PTPRD: variants seen among roughly 807,000 people sequenced by gnomAD.
PTPRD encodes the protein protein tyrosine phosphatase receptor type D, also known as receptor-type tyrosine-protein phosphatase delta.
A neutral mutation model predicts 214.5 loss-of-function variants in PTPRD; 34 were observed. The ratio of observed to expected loss-of-function variants is 0.16; its 90% CI spans 0.12 to 0.21. The LOEUF is 0.21. PTPRD is among the 10% of genes least tolerant of loss of function. The pLI, the probability that PTPRD is intolerant of heterozygous loss-of-function variation, is 1.00. For missense variants in PTPRD, 2,545 were observed against 2,398.7 expected, an observed-to-expected ratio of 1.06 and a Z score of -1.27; for synonymous variants, 1,128 against 845.7, an observed-to-expected ratio of 1.33 and a Z score of -5.79.
chr9:9,751,532 G>A (rs1203602616), intron 6 of PTPRD, among the ~76,000 whole-genome samples: 1 of 152,180 alleles, frequency 6.6e-6, no homozygotes, highest in African/African-American at 2.4e-5. Flanking sequence ...GACTTTCTTT[G>A]GAAAGAGAAA....
At chr9:8,851,727 T>C (rs76688233) in intron 11 of PTPRD, among the ~76,000 whole-genome samples, 1,564 of 152,286 alleles carry the variant, frequency 0.01, 28 homozygotes, top group African/African-American at 0.036. Context: ...GGATATTCAT[T>C]ACATGTATGG....
At chr9:8,422,763 C>T (rs1037150899) in intron 35 of PTPRD, among the ~76,000 whole-genome samples, 1 of 152,182 alleles carries the variant, frequency 6.6e-6, no homozygotes, top group Admixed American at 6.5e-5. Context: ...TGCCCAGTTG[C>T]ACGGCAACAT....
intron 3 of PTPRD, among the ~76,000 whole-genome samples, chr9:10,101,828 C>T (rs937211289): frequency 6.6e-6 from 1 of 151,694 alleles, no homozygotes; most frequent in Non-Finnish European, 1.5e-5. Flanking sequence ...CCACACATTA[C>T]ATTTGTAAAC....
intron 4 of PTPRD, among the ~76,000 whole-genome samples, chr9:10,019,841 C>A (rs2096809601): frequency 6.6e-6 from 1 of 152,046 alleles, no homozygotes. Flanking sequence ...TGACGAGTTA[C>A]TGGGTGCAGC....
At chr9:10,446,071 C>T (rs78621896) in intron 2 of PTPRD, among the ~76,000 whole-genome samples, 2,151 of 151,942 alleles carry the variant, frequency 0.014, 40 homozygotes, top group African/African-American at 0.046. Flanking sequence ...CGGGGAAGTA[C>T]CCAAATTCAA....
At chr9:10,519,307 T>A (rs1325441481) in intron 2 of PTPRD, among the ~76,000 whole-genome samples, 1 of 141,124 alleles carries the variant, frequency 7.1e-6, no homozygotes, top group Non-Finnish European at 1.5e-5. Context: ...TTTAATGACC[T>A]GCGAATTCTC....
At chr9:8,598,868 C>T (rs1005558376) in intron 14 of PTPRD, among the ~76,000 whole-genome samples, 20 of 152,124 alleles carry the variant, frequency 1.3e-4, no homozygotes, top group African/African-American at 3.1e-4. Context: ...CATTTCAAGA[C>T]GTAGAAGCAA....
At chr9:10,557,684 C>A (rs1031303088) in intron 2 of PTPRD, among the ~76,000 whole-genome samples, 1 of 152,034 alleles carries the variant, frequency 6.6e-6, no homozygotes, top group African/African-American at 2.4e-5. Context: ...TAAATGTTTA[C>A]CCCTGGACCA....
intron 7 of PTPRD, among the ~76,000 whole-genome samples, chr9:9,602,688 A>G (rs1241896594): frequency 6.6e-6 from 1 of 151,958 alleles, no homozygotes; most frequent in East Asian, 1.9e-4. Context: ...ATGGAGTCAT[A>G]TTTCACATGT....
chr9:9,433,806 A>G (rs1303924991), intron 8 of PTPRD, among the ~76,000 whole-genome samples: 2 of 152,200 alleles, frequency 1.3e-5, no homozygotes, highest in Non-Finnish European at 2.9e-5. Context: ...CACAGCATTA[A>G]GTCACCAAAT....
At chr9:10,278,053 G>A (rs775512399) in intron 3 of PTPRD, among the ~76,000 whole-genome samples, 1 of 152,004 alleles carries the variant, frequency 6.6e-6, no homozygotes, top group African/African-American at 2.4e-5. Flanking sequence ...CCAGCTACTC[G>A]GGAGGCTGAG....
At chr9:9,503,015 T>C (rs1015287884) in intron 8 of PTPRD, among the ~76,000 whole-genome samples, 5 of 151,842 alleles carry the variant, frequency 3.3e-5, no homozygotes, top group African/African-American at 9.7e-5. Flanking sequence ...CAGGTTAATA[T>C]GTTTGTTAAA....
chr9:8,791,429 T>C (rs1342124065), intron 11 of PTPRD, among the ~76,000 whole-genome samples: 1 of 151,914 alleles, frequency 6.6e-6, no homozygotes, highest in Non-Finnish European at 1.5e-5. Context: ...TTTCACCATG[T>C]TGGTCAGGCT....
chr9:10,106,154 C>A (rs559005064), intron 3 of PTPRD, among the ~76,000 whole-genome samples: 1 of 151,062 alleles, frequency 6.6e-6, no homozygotes, highest in South Asian at 2.1e-4. Flanking sequence ...ATTTTGTGAA[C>A]AGACCACAGA....
In PTPRD at chr9:10,558,203, C is replaced by G. The variant is rs1476629026; in HGVS notation, c.-600+54195G>C. Among the ~76,000 whole-genome samples the G allele has an allele frequency of 7.2e-5, 11 of 152,068 alleles. 1 individual carries two copies. Among genetic ancestry groups the G allele is most frequent in the African/African-American group, 2.4e-4 (10 of 41,402 alleles). ...GAAGATAAAAGTAGTCACTGACATT[C>G]TAAAACAGTAATTTAAGACTATGCT... is the stretch of plus-strand genomic sequence containing the variant. On this transcript the variant is annotated intron_variant, in intron 2 of 45. Coordinates refer to ENST00000381196, the MANE Select transcript of PTPRD (RefSeq NM_002839.4).
chr9:8,473,362 C>A (rs1374039610), intron 30 of PTPRD, among the ~76,000 whole-genome samples: 2 of 152,140 alleles, frequency 1.3e-5, no homozygotes, highest in East Asian at 1.9e-4. Context: ...AAGCTTCCCC[C>A]TCTCCTGTCC....
intron 27 of PTPRD, among the ~76,000 whole-genome samples, chr9:8,487,038 T>G (rs1263336830): frequency 6.6e-6 from 1 of 152,192 alleles, no homozygotes; most frequent in African/African-American, 2.4e-5. Flanking sequence ...TGACTTACTA[T>G]GAATTTAATT....
intron 2 of PTPRD, among the ~76,000 whole-genome samples, chr9:10,571,850 G>C (rs577019167): frequency 6.6e-6 from 1 of 152,250 alleles, no homozygotes; most frequent in East Asian, 1.9e-4. Context: ...TGTGAGAATT[G>C]AATGCCGCTG....
intron 3 of PTPRD, among the ~76,000 whole-genome samples, chr9:10,167,678 C>T (rs1201602956): frequency 6.6e-6 from 1 of 152,148 alleles, no homozygotes; most frequent in Non-Finnish European, 1.5e-5. Context: ...ACTTCCAAAG[C>T]CTCTGAGGCT....
Sources: gnomAD v4.1 joint callset for allele counts (sites outside exome capture counted in the v4.1 genomes callset) on GRCh38, gnomAD v4.1.1 for gene constraint, MANE v1.5 for transcripts, NCBI Gene and HGNC (gene_info 2026-07-23, HGNC 2026-07-21) for gene names.